Variants in SYNDIG1 observed in about 807,000 individuals in gnomAD.
The protein encoded by SYNDIG1 is synapse differentiation-inducing gene protein 1.
A neutral mutation model predicts 19.4 loss-of-function variants in SYNDIG1; 9 were observed. That is an observed-to-expected ratio of 0.46 (90% CI 0.28 to 0.81). The LOEUF is 0.81. Ranked by LOEUF, SYNDIG1 falls within the 30% of genes least tolerant of loss-of-function variation. The pLI is 0.12. For synonymous variants in SYNDIG1, 141 were observed against 145.9 expected (o/e 0.97, Z 0.24); for missense variants, 311 against 343.3 (o/e 0.91, Z 0.74).
At chr20:24,491,749 T>A (rs2056156058) in intron 1 of SYNDIG1, 1 of 152,116 alleles carries the variant, frequency 6.6e-6, no homozygotes, top group Admixed American at 6.5e-5. Flanking sequence ...CTGGAGGAAA[T>A]TAAAAGTATG....
intron 3 of SYNDIG1, among the ~76,000 whole-genome samples, chr20:24,598,847 A>T (rs980469538): frequency 5.3e-5 from 8 of 152,238 alleles, no homozygotes; most frequent in Non-Finnish European, 7.3e-5. Flanking sequence ...ACTCACAATG[A>T]GTTTAAGACT....
intron 2 of SYNDIG1, among the ~76,000 whole-genome samples, chr20:24,574,773 A>G (rs1361826593): frequency 2.0e-5 from 3 of 152,216 alleles, no homozygotes; most frequent in South Asian, 2.1e-4. Context: ...GTACAACACC[A>G]TTACCTTCAC....
chr20:24,581,912 C>T (rs2058329816), intron 2 of SYNDIG1, among the ~76,000 whole-genome samples: 1 of 150,770 alleles, frequency 6.6e-6, no homozygotes. Context: ...CCTTCACATC[C>T]TCTGCACTGT....
intron 1 of SYNDIG1, among the ~76,000 whole-genome samples, chr20:24,529,046 A>C (rs1330592162): frequency 6.6e-6 from 1 of 152,198 alleles, no homozygotes; most frequent in East Asian, 1.9e-4. Flanking sequence ...AGGAAAAAAA[A>C]ACAGTTTTAC....
chr20:24,477,500 T>C (rs2055667980), intron 1 of SYNDIG1, among the ~76,000 whole-genome samples: 1 of 152,126 alleles, frequency 6.6e-6, no homozygotes, highest in Non-Finnish European at 1.5e-5. Flanking sequence ...TTGCCCCCGG[T>C]GCACCTGGGA....
chr20:24,642,091 C>G (rs530038345), intron 3 of SYNDIG1, among the ~76,000 whole-genome samples: 1 of 152,260 alleles, frequency 6.6e-6, no homozygotes, highest in East Asian at 1.9e-4. Flanking sequence ...TTTTTCTGTT[C>G]CAAGGTCCCA....
At position 24,582,679 on chromosome 20, in the gene SYNDIG1, CT is replaced by C. The variant is rs912250252; in HGVS notation, c.481-2170del. Among the ~76,000 whole-genome samples, 9 of 152,220 alleles carry C rather than the reference CT, an allele frequency of 5.9e-5. No homozygotes were observed. In the East Asian group the frequency reaches 7.8e-4, roughly 13 times the overall value. ...TTATGCATCCCTGTGGGCTGTTCCACTTTTTTTCCCCCTTAGCCATAATGAT... is the reference window on the plus strand; with the variant it reads ...TTATGCATCCCTGTGGGCTGTTCCACTTTTTTCCCCCTTAGCCATAATGAT... On this transcript the variant is annotated intron_variant, in intron 2 of 3. Transcript: ENST00000376862.
intron 1 of SYNDIG1, among the ~76,000 whole-genome samples, chr20:24,495,033 A>G (rs2056261112): frequency 6.6e-6 from 1 of 152,222 alleles, no homozygotes; most frequent in Non-Finnish European, 1.5e-5. Context: ...AAGAACAGTC[A>G]CTAATGCATC....
At chr20:24,533,581 G>A (rs892688715) in intron 1 of SYNDIG1, among the ~76,000 whole-genome samples, 25 of 152,068 alleles carry the variant, frequency 1.6e-4, no homozygotes, top group African/African-American at 4.6e-4. Context: ...CGAGGACCAA[G>A]GAGGGAAGGC....
chr20:24,608,587 G>A (rs2058798445), intron 3 of SYNDIG1, among the ~76,000 whole-genome samples: 1 of 152,198 alleles, frequency 6.6e-6, no homozygotes, highest in South Asian at 2.1e-4. Flanking sequence ...CATGAAACCT[G>A]TGTACTTAAC....
intron 1 of SYNDIG1, among the ~76,000 whole-genome samples, chr20:24,476,862 T>A (rs1171990778): frequency 6.6e-6 from 1 of 152,128 alleles, no homozygotes; most frequent in Non-Finnish European, 1.5e-5. Context: ...GAGTCATTTG[T>A]CCAGCTGCAT....
chr20:24,603,813 T>G (rs1422977946), intron 3 of SYNDIG1, among the ~76,000 whole-genome samples: 3 of 152,210 alleles, frequency 2.0e-5, no homozygotes, highest in Non-Finnish European at 4.4e-5. Context: ...TCAGGCACTG[T>G]GGGGTCACAG....
At chr20:24,534,844 C>G (rs773281272) in intron 1 of SYNDIG1, among the ~76,000 whole-genome samples, 2 of 152,176 alleles carry the variant, frequency 1.3e-5, no homozygotes, top group Non-Finnish European at 2.9e-5. Context: ...GGGCTGGACA[C>G]GGTGCGGCTT....
At chr20:24,541,905 T>A in intron 1 of SYNDIG1, among the ~76,000 whole-genome samples, 1 of 152,200 alleles carries the variant, frequency 6.6e-6, no homozygotes, top group East Asian at 1.9e-4. Context: ...TTAGAGGCAT[T>A]CTCTCTCCTC....
rs10597680 is a variant in SYNDIG1, at chr20:24,550,512, C to CT, written c.480+6949dup. Among the ~76,000 whole-genome samples the CT allele has an allele frequency of 1.2e-3, 166 of 139,988 alleles. 2 individuals carry two copies. The highest frequency in any genetic ancestry group is 1.0e-2 in the East Asian group (48 of 4,808). 91.8% of individuals were successfully genotyped at this position (139,988 alleles called of 152,430 possible). A position where few individuals can be genotyped will look rare whatever the true frequency, so the allele number is the denominator to read the frequency against. ...ATCATGTGGTATATTACGTTAACTG[C>CT]TTTTTTTTTTTTTTGAGACGGAGTC... On this transcript the variant is annotated intron_variant, in intron 2 of 3. Transcript: ENST00000376862.
intron 3 of SYNDIG1, among the ~76,000 whole-genome samples, chr20:24,654,680 G>GGAAA (rs2059507039): frequency 6.6e-6 from 1 of 150,486 alleles, no homozygotes; most frequent in Non-Finnish European, 1.5e-5. Context: ...AAGGAAGGAA[G>GGAAA]GAAGGAAGGA....
chr20:24,499,568 C>T lies in SYNDIG1; in HGVS notation c.-79+29815C>T, dbSNP rs1037613952. 3.9e-5 allele frequency among the ~76,000 whole-genome samples: 6 copies of T among 152,210 alleles called. No homozygotes were observed. The South Asian group carries it at 8.3e-4, about 21-fold the overall frequency. On this transcript the variant is annotated intron_variant, in intron 1 of 3. Coordinates refer to ENST00000376862, the MANE Select transcript of SYNDIG1 (RefSeq NM_024893.3). ...TGAACATGAGAGAACTACCAACATG[C>T]GCCAACCTTTGATGGCATAAACACT...
chr20:24,604,132 C>G (rs1016022668), intron 3 of SYNDIG1, among the ~76,000 whole-genome samples: 12 of 150,364 alleles, frequency 8.0e-5, no homozygotes, highest in African/African-American at 2.2e-4. Flanking sequence ...CTTTTTTTTT[C>G]AAAGTTGTGT....
chr20:24,581,455 C>T (rs918630785), intron 2 of SYNDIG1, among the ~76,000 whole-genome samples: 2 of 152,098 alleles, frequency 1.3e-5, no homozygotes, highest in Non-Finnish European at 2.9e-5. Flanking sequence ...TGGCCATTCC[C>T]CAGCCTGGCT....
Sources: gnomAD v4.1 joint callset for allele counts (sites outside exome capture counted in the v4.1 genomes callset) on GRCh38, gnomAD v4.1.1 for gene constraint, MANE v1.5 for transcripts, NCBI Gene and HGNC (gene_info 2026-07-23, HGNC 2026-07-21) for gene names.